The following EDDM13 variants were observed in gnomAD, a reference collection of about 807,000 sequenced individuals.
EDDM13 encodes epididymal protein 13.
A neutral mutation model predicts 17.8 loss-of-function variants in EDDM13; 24 were observed. The ratio of observed to expected loss-of-function variants is 1.35; its 90% CI spans 0.98 to 1.90. The LOEUF (loss-of-function observed/expected upper bound fraction) is 1.90. EDDM13 is among the 40% of genes most tolerant of loss of function. The probability of loss-of-function intolerance (pLI) is 0.00; values close to 1 mark genes in which losing one functional copy is unlikely to be tolerated. For missense variants in EDDM13, 97 were observed against 100.8 expected (o/e 0.96, Z 0.16); for synonymous variants, 31 against 37.5 (o/e 0.83, Z 0.63).
intron 5 of EDDM13, among the ~76,000 whole-genome samples, chr19:56,284,417 G>A (rs2147093469): frequency 6.6e-6 from 1 of 152,048 alleles, no homozygotes; most frequent in Admixed American, 6.6e-5. Context: ...GCCCAGAAGT[G>A]GATCTGATAT....
At chr19:56,299,259 G>A (rs1055203764) in intron 12 of EDDM13, among the ~76,000 whole-genome samples, 3 of 151,792 alleles carry the variant, frequency 2.0e-5, no homozygotes, top group Non-Finnish European at 4.4e-5. Context: ...CAGCCTCTGA[G>A]TAGCTGGGAC....
chr19:56,289,200 AG>A (rs1286519463), intron 8 of EDDM13, among the ~76,000 whole-genome samples: 1 of 152,326 alleles, frequency 6.6e-6, no homozygotes, highest in East Asian at 1.9e-4. Context: ...AGGGTCTGAG[AG>A]CTGCATTGGA....
chr19:56,285,005 G>T lies in EDDM13; in HGVS notation c.135G>T (p.Met45Ile). ...TTATGTCTTCTTCCTCAGGTCTCAT[G>T]AGCAGACTGTCACCGGATGGTAAGT... is the stretch of plus-strand genomic sequence containing the variant. The part of the protein sequence containing the change: ...INLLKGIIGL[M>I]SRLSPDGLRH... The change falls in exon 6 of 15, where the codon ATG (methionine) becomes ATT (isoleucine). Residue 45 changes from methionine to isoleucine, a missense_variant. Met to Ile is a conservative substitution (Grantham distance 10, BLOSUM62 1). Coordinates refer to ENST00000649256, the MANE Select transcript of EDDM13 (RefSeq NM_001354658.2). 4 of 985,360 alleles carry T rather than the reference G, an allele frequency of 4.1e-6. No homozygotes were observed. The highest frequency in any genetic ancestry group is 4.8e-6 in the Non-Finnish European group (4 of 829,878). The allele number at this position is 985,360 out of a possible 1,614,324, so 61.0% of individuals were successfully genotyped here.
intron 1 of EDDM13, among the ~76,000 whole-genome samples, 132 bp from the exon 2 acceptor site, chr19:56,275,960 G>C (rs989808231): frequency 6.6e-6 from 1 of 152,144 alleles, no homozygotes; most frequent in Non-Finnish European, 1.5e-5. Flanking sequence ...GCAGTGAGTG[G>C]GTCAGCTGAT....
At position 56,302,455 on chromosome 19, in the gene EDDM13, C is replaced by T. The variant is rs536910242; in HGVS notation, c.423+360C>T. Among the ~76,000 whole-genome samples the T allele has an allele frequency of 1.3e-4, 18 of 143,010 alleles. No individual in the cohort carries two copies. In the South Asian group the frequency reaches 2.8e-3, roughly 22 times the overall value. 93.8% of individuals were successfully genotyped at this position (143,010 alleles called of 152,430 possible). A position where few individuals can be genotyped will look rare whatever the true frequency, so the allele number is the denominator to read the frequency against. ...CCCTTCCTTCCTTTCTTCCTCTCTCCGTCTGCTTCCTCCCTCCCTTCTTCC... is the reference window on the plus strand; with the variant it reads ...CCCTTCCTTCCTTTCTTCCTCTCTCTGTCTGCTTCCTCCCTCCCTTCTTCC... On this transcript the variant is annotated intron_variant, in intron 13 of 14. Transcript: ENST00000649256.
chr19:56,309,757 G>A (rs1280121239), intron 14 of EDDM13, among the ~76,000 whole-genome samples: 1 of 152,220 alleles, frequency 6.6e-6, no homozygotes, highest in Non-Finnish European at 1.5e-5. Context: ...AGGTAGGGGT[G>A]CAACACAAGC....
At chr19:56,294,489 AT>A (rs368273704) in intron 9 of EDDM13, among the ~76,000 whole-genome samples, 1 of 151,468 alleles carries the variant, frequency 6.6e-6, no homozygotes, top group South Asian at 2.1e-4. Flanking sequence ...ATCAATCAGC[AT>A]TTTTTTTTCT....
chr19:56,302,611 CCCTCTT>C (rs773487660), intron 13 of EDDM13, among the ~76,000 whole-genome samples: 18 of 128,774 alleles, frequency 1.4e-4, no homozygotes, highest in Non-Finnish European at 2.3e-4. Context: ...TTCTTCCTCT[CCCTCTT>C]CCTCCCTCCC....
At chr19:56,289,720 C>A (rs149534864) in intron 8 of EDDM13, among the ~76,000 whole-genome samples, 113 of 152,258 alleles carry the variant, frequency 7.4e-4, no homozygotes, top group African/African-American at 2.7e-3. Context: ...CTCAAGCAAT[C>A]CTCCTGCCTC....
chr19:56,306,055 G>A (rs1025496607), intron 14 of EDDM13, among the ~76,000 whole-genome samples: 9 of 152,088 alleles, frequency 5.9e-5, no homozygotes, highest in South Asian at 2.1e-4. Flanking sequence ...TGGAAGATTA[G>A]AGCAAGCATT....
intron 9 of EDDM13, among the ~76,000 whole-genome samples, chr19:56,294,131 A>G (rs2039701853): frequency 1.3e-5 from 2 of 152,162 alleles, no homozygotes. Flanking sequence ...ACACCTGCCT[A>G]AGGGCCCACC....
chr19:56,283,610 A>G (rs149935988), intron 4 of EDDM13: 2 of 152,320 alleles, frequency 1.3e-5, no homozygotes, highest in East Asian at 3.9e-4. Context: ...GGATTCTTCA[A>G]TACGTAGCAA....
At chr19:56,302,563 C>CTTCCTTTTCTTCCTCCCCCT (rs150005575) in intron 13 of EDDM13, among the ~76,000 whole-genome samples, 1 of 92,964 alleles carries the variant, frequency 1.1e-5, no homozygotes, top group African/African-American at 5.3e-5. Context: ...CTCCCTCCCC[C>CTTCCTTTTCTTCCTCCCCCT]CTTCCTTTTC....
intron 12 of EDDM13, among the ~76,000 whole-genome samples, chr19:56,298,503 A>G (rs2040024364): frequency 6.6e-6 from 1 of 151,740 alleles, no homozygotes; most frequent in African/African-American, 2.4e-5. Flanking sequence ...ATACAAAAAA[A>G]TTAGCCAGGC....
At chr19:56,285,080 T>C (rs1347080657) in intron 6 of EDDM13, 56 bp downstream of exon 6, 8 of 902,936 alleles carry the variant, frequency 8.9e-6, no homozygotes, top group African/African-American at 1.8e-5. Context: ...CGCAAGGTAA[T>C]GTAGACTTAT....
chr19:56,291,752 A>C (rs533380804), intron 9 of EDDM13, among the ~76,000 whole-genome samples: 71 of 151,958 alleles, frequency 4.7e-4, no homozygotes, highest in African/African-American at 1.6e-3. Flanking sequence ...TTTTTTTTTA[A>C]ACTCAAGAAC....
intron 2 of EDDM13, chr19:56,280,824 T>G (rs1371141915): frequency 6.6e-6 from 1 of 152,156 alleles, no homozygotes; most frequent in Non-Finnish European, 1.5e-5. Context: ...ATACCTCCCA[T>G]TAGGCCCCAC....
intron 9 of EDDM13, among the ~76,000 whole-genome samples, chr19:56,293,239 G>A (rs1197042998): frequency 6.6e-6 from 1 of 152,162 alleles, no homozygotes; most frequent in Non-Finnish European, 1.5e-5. Flanking sequence ...CAGTCCCCAA[G>A]TCATCGTCCT....
intron 9 of EDDM13, among the ~76,000 whole-genome samples, chr19:56,292,889 A>C (rs780133417): frequency 5.9e-5 from 9 of 152,206 alleles, no homozygotes; most frequent in Non-Finnish European, 1.3e-4. Flanking sequence ...GTGGCCTGTG[A>C]CAGTGCTTCA....
Sources: gnomAD v4.1 joint callset for allele counts (sites outside exome capture counted in the v4.1 genomes callset) on GRCh38, gnomAD v4.1.1 for gene constraint, MANE v1.5 for transcripts, NCBI Gene and HGNC (gene_info 2026-07-23, HGNC 2026-07-21) for gene names.